Variants in PRPSAP1 observed in about 807,000 individuals in gnomAD.
The protein encoded by PRPSAP1 is phosphoribosyl pyrophosphate synthase-associated protein 1.
A neutral mutation model predicts 39.4 loss-of-function variants in PRPSAP1; 31 were observed. That is an observed-to-expected ratio of 0.79 (90% CI 0.59 to 1.06). PRPSAP1 has a LOEUF of 1.06. PRPSAP1 is among the 50% of genes least tolerant of loss of function. The pLI is 0.00. For synonymous variants in PRPSAP1, 212 were observed against 192.6 expected (o/e 1.10, Z -0.83); for missense variants, 430 against 511.6 (o/e 0.84, Z 1.54).
At chr17:76,349,479 G>A (rs916670146) in intron 1 of PRPSAP1, among the ~76,000 whole-genome samples, 1 of 151,870 alleles carries the variant, frequency 6.6e-6, no homozygotes, top group Non-Finnish European at 1.5e-5. Context: ...AAATATTCCA[G>A]GCCGGGTGCG....
chr17:76,312,954 G>A lies in PRPSAP1; in HGVS notation c.915C>T (p.Gly305=), dbSNP rs143166285. 2.9e-5 allele frequency: 47 copies of A among 1,614,020 alleles called. No homozygotes were observed. The highest frequency in any genetic ancestry group is 3.8e-5 in the Non-Finnish European group (45 of 1,180,008). ...TGGCCATAACATAGATCTTATAGGC[G>A]CCTCTCTCTTTCAGGATCTCCGCGG... ...VAAAEILKER[G]AYKIYVMATH... is the part of the protein sequence containing the mutation. Residue 305 remains glycine, a synonymous_variant, in exon 9 of 10, where the codon GGC becomes GGT. Coordinates refer to ENST00000446526, the MANE Select transcript of PRPSAP1 (RefSeq NM_002766.3).
intron 3 of PRPSAP1, among the ~76,000 whole-genome samples, chr17:76,344,024 C>A (rs1055102458): frequency 4.6e-5 from 7 of 152,030 alleles, no homozygotes; most frequent in Non-Finnish European, 1.0e-4. Context: ...GATCTCAGCT[C>A]ACCTCTGCCT....
Position 76,335,167 on chromosome 17 carries a change from T to C in PRPSAP1, c.291-2732A>G, listed in dbSNP as rs114309251. The stretch of plus-strand genomic sequence containing the variant: ...TCTCACTATGTTGCCATGGCTGGTC[T>C]TGAACTCCTGGGTTCATGCAATCTT... On this transcript the variant is annotated intron_variant, in intron 3 of 9. Transcript: ENST00000446526. Among the ~76,000 whole-genome samples, 948 of 152,268 alleles carry C rather than the reference T, an allele frequency of 6.2e-3. 14 individuals carry two copies. Among genetic ancestry groups the C allele is most frequent in the African/African-American group, 0.021 (893 of 41,560 alleles).
chr17:76,347,173 G>A (rs895166804), intron 2 of PRPSAP1, among the ~76,000 whole-genome samples: 1 of 151,564 alleles, frequency 6.6e-6, no homozygotes, highest in Non-Finnish European at 1.5e-5. Context: ...AGAGGGGCAG[G>A]CAGTTAGTCC....
intron 2 of PRPSAP1, among the ~76,000 whole-genome samples, chr17:76,346,398 C>A (rs1232962473): frequency 6.6e-6 from 1 of 152,166 alleles, no homozygotes; most frequent in Non-Finnish European, 1.5e-5. Flanking sequence ...ACACAAAAGC[C>A]TTGTGCTCTG....
At chr17:76,312,758 A>T in intron 9 of PRPSAP1, 112 bp downstream of exon 9, 6 of 1,383,722 alleles carry the variant, frequency 4.3e-6, no homozygotes, top group Non-Finnish European at 5.8e-6. Flanking sequence ...CTAGCCAGCA[A>T]AAGCTAGAAA....
chr17:76,324,421 A>C (rs1172290492), intron 7 of PRPSAP1, among the ~76,000 whole-genome samples: 4 of 151,918 alleles, frequency 2.6e-5, no homozygotes, highest in African/African-American at 9.7e-5. Flanking sequence ...CAACATGGTG[A>C]AACCCTGTCT....
At position 76,311,700 on chromosome 17, in the gene PRPSAP1, C is replaced by T. The variant is rs1488522213; in HGVS notation, c.1000G>A (p.Val334Met). 6.2e-7 allele frequency: 1 copy of T among 1,613,094 alleles called. No homozygotes were observed. Among genetic ancestry groups the T allele is most frequent in the East Asian group, 2.2e-5 (1 of 44,844 alleles). ...TGAGGGACAGTATTCGTCACCACCA[C>T]CTAGTCACACAGTGATGGAAAACAA... Reference protein sequence around the residue: ...RLIEESSVDEVVVTNTVPHEV... With the variant: ...RLIEESSVDEMVVTNTVPHEV... The change falls in exon 10 of 10, where the codon GTG becomes ATG. Residue 334 changes from valine to methionine, a missense_variant and splice_region_variant. This residue lies in a region of PRPSAP1 where 278 missense variants were observed against 376.3 expected (regional missense o/e 0.74). Transcript: ENST00000446526.
At chr17:76,342,616 C>T (rs2071451528) in intron 3 of PRPSAP1, among the ~76,000 whole-genome samples, 1 of 151,192 alleles carries the variant, frequency 6.6e-6, no homozygotes, top group Non-Finnish European at 1.5e-5. Context: ...ACTAAGGAGG[C>T]TGAGGTGGGA....
At chr17:76,312,755 G>A in intron 9 of PRPSAP1, 115 bp downstream of exon 9, 1 of 1,362,154 alleles carries the variant, frequency 7.3e-7, no homozygotes, top group Non-Finnish European at 9.8e-7. Flanking sequence ...CTGCTAGCCA[G>A]CAAAAGCTAG....
intron 7 of PRPSAP1, among the ~76,000 whole-genome samples, chr17:76,315,034 C>A (rs1392195481): frequency 6.6e-6 from 1 of 152,220 alleles, no homozygotes; most frequent in Non-Finnish European, 1.5e-5. Context: ...AACTGCACTA[C>A]TGACATAATC....
In PRPSAP1 at chr17:76,311,399, T is replaced by A; in HGVS notation, c.*143A>T. ...TCTTCTTCCTGACTCTTTTAATCCC[T>A]CCTCCCCATCAATCCGGGCAAAAGA... On this transcript the variant is annotated 3_prime_UTR_variant, in exon 10 of 10. Transcript: ENST00000446526. The A allele has an allele frequency of 1.2e-6, 1 of 867,774 alleles. No homozygotes were observed. Among genetic ancestry groups the A allele is most frequent in the Non-Finnish European group, 1.7e-6 (1 of 590,646 alleles). 53.8% of individuals were successfully genotyped at this position (867,774 alleles called of 1,614,324 possible).
At chr17:76,329,210 AC>A (rs1277133256) in intron 6 of PRPSAP1, among the ~76,000 whole-genome samples, 2 of 151,906 alleles carry the variant, frequency 1.3e-5, no homozygotes, top group East Asian at 3.9e-4. Context: ...AGCGGGGACC[AC>A]AGGCATGTGT....
chr17:76,320,786 CTT>C (rs398120024), intron 7 of PRPSAP1, among the ~76,000 whole-genome samples: 1 of 143,556 alleles, frequency 7.0e-6, no homozygotes, highest in Admixed American at 7.0e-5. Context: ...ATTTTTCTCT[CTT>C]TTTTTTTTTT....
In PRPSAP1 at chr17:76,313,899, A is replaced by G. The variant is rs933065268; in HGVS notation, c.782-8T>C. ...TCTCTTTGGCCATCATCACTAGCAAAACAAAACAAATTACAAGATCTCAGT... is the reference window on the plus strand; with the variant it reads ...TCTCTTTGGCCATCATCACTAGCAAGACAAAACAAATTACAAGATCTCAGT... On this transcript the variant is annotated splice_region_variant and splice_polypyrimidine_tract_variant and intron_variant, in intron 7 of 9. Transcript: ENST00000446526. 6.2e-7 allele frequency: 1 copy of G among 1,613,996 alleles called. No individual in the cohort carries two copies. The highest frequency in any genetic ancestry group is 1.3e-5 in the African/African-American group (1 of 75,048).
intron 7 of PRPSAP1, among the ~76,000 whole-genome samples, chr17:76,317,771 TCTTA>T (rs2071140690): frequency 6.6e-6 from 1 of 152,132 alleles, no homozygotes. Flanking sequence ...TGATCCAAAC[TCTTA>T]CTTTTCACCC....
intron 3 of PRPSAP1, among the ~76,000 whole-genome samples, chr17:76,340,609 G>A (rs1030670678): frequency 2.6e-5 from 4 of 151,636 alleles, no homozygotes; most frequent in Admixed American, 6.6e-5. Context: ...AACCATGAAC[G>A]GCCTCGCACG....
At chr17:76,311,806 A>C (rs983835244) in intron 9 of PRPSAP1, 106 bp from the exon 10 acceptor site, 1 of 1,290,444 alleles carries the variant, frequency 7.7e-7, no homozygotes, top group African/African-American at 1.5e-5. Flanking sequence ...CCTAAGTTCC[A>C]AACTACAAAA....
intron 2 of PRPSAP1, among the ~76,000 whole-genome samples, chr17:76,345,206 G>A (rs1411649914): frequency 4.9e-5 from 7 of 142,078 alleles, no homozygotes; most frequent in Non-Finnish European, 1.1e-4. Flanking sequence ...CTGCACTCCA[G>A]CCTGGGTGAC....
Sources: gnomAD v4.1 joint callset for allele counts (sites outside exome capture counted in the v4.1 genomes callset) on GRCh38, gnomAD v4.1.1 for gene constraint, gnomAD v4.1.1 regional missense constraint, MANE v1.5 for transcripts, NCBI Gene and HGNC (gene_info 2026-07-23, HGNC 2026-07-21) for gene names.